PLCG2: variants seen among roughly 807,000 people sequenced by gnomAD.
PLCG2 encodes the protein phospholipase C gamma 2, also known as 1-phosphatidylinositol 4,5-bisphosphate phosphodiesterase gamma-2.
PLCG2 carries 69 observed loss-of-function variants against 175.6 expected under a neutral mutation model. That is an observed-to-expected ratio of 0.39 (90% CI 0.32 to 0.48). PLCG2 has a LOEUF of 0.48. Among genes scored for constraint, PLCG2 ranks in the 20% least tolerant of loss-of-function variants. The probability of loss-of-function intolerance (pLI) is 0.91; values close to 1 mark genes in which losing one functional copy is unlikely to be tolerated. For missense variants in PLCG2, 1,798 were observed against 1,650.9 expected (o/e 1.09, Z -1.54); for synonymous variants, 827 against 624.0 (o/e 1.33, Z -4.85).
intron 21 of PLCG2, 119 bp downstream of exon 21, chr16:81,921,388 AT>A: frequency 1.3e-6 from 1 of 745,878 alleles, no homozygotes; most frequent in South Asian, 1.5e-5. Context: ...CCTGGCCAAA[AT>A]AATTTTTTTT....
rs373752237 is a variant in PLCG2, at chr16:81,912,687, G to A, written c.2025G>A (p.Glu675=). ...GGGCCTTCCTGATCCGGAAGCGAGAGGGGAGCGACTCCTATGCCATCACCT... is the reference window on the plus strand; with the variant it reads ...GGGCCTTCCTGATCCGGAAGCGAGAAGGGAGCGACTCCTATGCCATCACCT... ...RDGAFLIRKR[E]GSDSYAITFR... The change falls in exon 19 of 33, where the codon GAG becomes GAA. Residue 675 remains glutamate (E), a synonymous_variant. Coordinates refer to ENST00000564138, the MANE Select transcript of PLCG2 (RefSeq NM_002661.5). 6.2e-7 allele frequency: 1 copy of A among 1,611,664 alleles called. No homozygotes were observed. The highest frequency in any genetic ancestry group is 8.5e-7 in the Non-Finnish European group (1 of 1,178,830).
At chr16:81,744,165 CT>C (rs1185124266) in intron 1 of PLCG2, among the ~76,000 whole-genome samples, 2,171 of 127,680 alleles carry the variant, frequency 0.017, 16 homozygotes, top group Middle Eastern at 0.033. Context: ...GCCAACTTCC[CT>C]TTTTTTTTTT....
chr16:81,778,044 A>AAAACAAACAAACAAACAAAC (rs1910509361), upstream of PLCG2, among the ~76,000 whole-genome samples: 6 of 83,782 alleles, frequency 7.2e-5, no homozygotes, highest in East Asian at 2.8e-4. Context: ...AAAAAAAAAC[A>AAAACAAACAAACAAACAAAC]AAAAAAAAAA....
intron 15 of PLCG2, 32 bp downstream of exon 15, chr16:81,905,539 G>A (rs368769675): frequency 3.2e-5 from 47 of 1,461,022 alleles, no homozygotes; most frequent in African/African-American, 2.5e-4. Flanking sequence ...TAGCCACTGC[G>A]GCCACGCCCC....
chr16:81,815,743 A>G (rs1285487924), intron 2 of PLCG2, among the ~76,000 whole-genome samples: 1 of 152,134 alleles, frequency 6.6e-6, no homozygotes, highest in Admixed American at 6.5e-5. Flanking sequence ...AAACCTTTGT[A>G]GGTCTTAAGT....
intron 17 of PLCG2, among the ~76,000 whole-genome samples, chr16:81,910,157 C>G (rs9934119): frequency 0.061 from 9,287 of 152,166 alleles, 304 homozygotes; most frequent in African/African-American, 0.093. Context: ...GTGGCGTGAT[C>G]TCGGCTCACT....
chr16:81,871,765 A>G (rs1907527541), intron 7 of PLCG2, among the ~76,000 whole-genome samples: 1 of 152,186 alleles, frequency 6.6e-6, no homozygotes, highest in Admixed American at 6.5e-5. Context: ...GTTTTATGAA[A>G]GGGAAAACAT....
intron 2 of PLCG2, among the ~76,000 whole-genome samples, chr16:81,813,345 C>T (rs1272161141): frequency 6.6e-6 from 1 of 152,106 alleles, no homozygotes; most frequent in African/African-American, 2.4e-5. Flanking sequence ...CTCTTATTTC[C>T]TTGAGCAGTT....
chr16:81,884,406 G>T (rs1204157517), intron 9 of PLCG2, among the ~76,000 whole-genome samples: 1 of 151,790 alleles, frequency 6.6e-6, no homozygotes. Flanking sequence ...AGTCAAAGAA[G>T]TATTCAGCAC....
chr16:81,940,209 G>A (rs550323438), intron 30 of PLCG2, 150 bp downstream of exon 30: 1 of 622,902 alleles, frequency 1.6e-6, no homozygotes, highest in South Asian at 2.0e-5. Context: ...CAGGTGTACA[G>A]CCTGTCGTGT....
intron 31 of PLCG2, among the ~76,000 whole-genome samples, chr16:81,952,550 A>G (rs542799457): frequency 6.6e-6 from 1 of 152,236 alleles, no homozygotes; most frequent in Non-Finnish European, 1.5e-5. Context: ...GTGGAAGCAC[A>G]TCAAAGGGGC....
chr16:81,847,509 T>C (rs1906187423), intron 2 of PLCG2, among the ~76,000 whole-genome samples: 2 of 152,108 alleles, frequency 1.3e-5, no homozygotes, highest in Admixed American at 6.6e-5. Context: ...CTGAGGTATC[T>C]AGGAGCCCCC....
At chr16:81,832,724 C>T (rs939306862) in intron 2 of PLCG2, among the ~76,000 whole-genome samples, 2 of 152,228 alleles carry the variant, frequency 1.3e-5, no homozygotes, top group African/African-American at 4.8e-5. Context: ...ATTTTAATTA[C>T]ACTTCTGTGA....
At chr16:81,789,176 T>G (rs1202711298) in intron 2 of PLCG2, among the ~76,000 whole-genome samples, 2 of 152,230 alleles carry the variant, frequency 1.3e-5, no homozygotes, top group African/African-American at 2.4e-5. Flanking sequence ...TATTAGAACC[T>G]TCTTCTGAAG....
intron 1 of PLCG2, among the ~76,000 whole-genome samples, chr16:81,780,748 C>G (rs887973160): frequency 3.9e-5 from 6 of 152,150 alleles, no homozygotes; most frequent in Non-Finnish European, 8.8e-5. Flanking sequence ...ATTTCTTGGT[C>G]AGGCACGGTG....
At chr16:81,885,883 G>T (rs1296963952) in intron 9 of PLCG2, among the ~76,000 whole-genome samples, 1 of 152,192 alleles carries the variant, frequency 6.6e-6, no homozygotes, top group Non-Finnish European at 1.5e-5. Flanking sequence ...TAGTGCCGGG[G>T]TTGAATGATG....
chr16:81,784,585 C>G (rs763516185), intron 1 of PLCG2, among the ~76,000 whole-genome samples: 1 of 152,090 alleles, frequency 6.6e-6, no homozygotes, highest in Non-Finnish European at 1.5e-5. Context: ...CCAGGCACCT[C>G]CAGGGACTTG....
intron 2 of PLCG2, among the ~76,000 whole-genome samples, chr16:81,834,365 G>C (rs1382828503): frequency 6.6e-6 from 1 of 152,194 alleles, no homozygotes; most frequent in Non-Finnish European, 1.5e-5. Flanking sequence ...CGGTCTGTGT[G>C]AGAGTCTTAG....
At chr16:81,860,381 T>C (rs1906921727) in intron 5 of PLCG2, among the ~76,000 whole-genome samples, 1 of 151,998 alleles carries the variant, frequency 6.6e-6, no homozygotes, top group Non-Finnish European at 1.5e-5. Context: ...TGTAAACTCA[T>C]TTGAGGGAGC....
Sources: gnomAD v4.1 joint callset for allele counts (sites outside exome capture counted in the v4.1 genomes callset) on GRCh38, gnomAD v4.1.1 for gene constraint, MANE v1.5 for transcripts, NCBI Gene and HGNC (gene_info 2026-07-23, HGNC 2026-07-21) for gene names.